FAT4: variants seen among roughly 807,000 people sequenced by gnomAD.
FAT4 encodes the protein protocadherin Fat 4.
In FAT4, 84 loss-of-function variants were observed where a neutral mutation model predicts 303.9. That is an observed-to-expected ratio of 0.28 (90% CI 0.23 to 0.33). The LOEUF is 0.33. Ranked by LOEUF, FAT4 falls within the 10% of genes least tolerant of loss-of-function variation. FAT4 has a pLI of 1.00. For synonymous variants in FAT4, 2,307 were observed against 2,298.8 expected (o/e 1.00, Z -0.10); for missense variants, 6,005 against 6,146.8 (o/e 0.98, Z 0.77).
rs1211182369 is a variant in FAT4, at chr4:125,319,636, A to C, written c.3225A>C (p.Arg1075Ser). The C allele has an allele frequency of 1.2e-6, 2 of 1,613,934 alleles. No individual in the cohort carries two copies. The highest frequency in any genetic ancestry group is 4.5e-5 in the East Asian group (2 of 44,888). Reference sequence around the variant, plus strand: ...TTTTAATGGTTGTTGCTTCTGACAGAGCAGTGGAACCCCTTAGTGCTACTG... The same window carrying C: ...TTTTAATGGTTGTTGCTTCTGACAGCGCAGTGGAACCCCTTAGTGCTACTG... Reference protein sequence around the residue: ...RYVLMVVASDRAVEPLSATVN... With the variant: ...RYVLMVVASDSAVEPLSATVN... The change falls in exon 2 of 18, where the codon AGA (arginine) becomes AGC (serine). Residue 1075 changes from arginine to serine, a missense_variant. Physicochemically the swap from Arg to Ser is moderately radical, Grantham distance 110 (BLOSUM62 -1). Coordinates refer to ENST00000394329, the MANE Select transcript of FAT4 (RefSeq NM_001291303.3).
chr4:125,487,660 A>T (rs1362513710), intron 17 of FAT4, 54 bp downstream of exon 17: 2 of 1,503,690 alleles, frequency 1.3e-6, no homozygotes, highest in Non-Finnish European at 1.8e-6. Flanking sequence ...TTCTTCAAAA[A>T]GTAATTGCTT....
In FAT4 at chr4:125,479,872, A is replaced by G; in HGVS notation, c.12604+7A>G. 1.3e-6 allele frequency: 2 copies of G among 1,560,014 alleles called. No homozygotes were observed. Among genetic ancestry groups the G allele is most frequent in the Non-Finnish European group, 1.7e-6 (2 of 1,145,054 alleles). On this transcript the variant is annotated splice_region_variant and intron_variant, in intron 15 of 17. Coordinates refer to ENST00000394329, the MANE Select transcript of FAT4 (RefSeq NM_001291303.3). ...GGGAAATACTGTGAAAAATGTATGT[A>G]AGGTCTTCCGTCTTCCCCTGGAAAT...
At chr4:125,424,715 C>A (rs538524591) in intron 7 of FAT4, among the ~76,000 whole-genome samples, 288 of 152,172 alleles carry the variant, frequency 1.9e-3, no homozygotes, top group African/African-American at 6.8e-3. Context: ...GCTTAAATTA[C>A]AATCACAAAA....
rs771830002 is a variant in FAT4 at position 125,415,035 on chromosome 4, A to G, written c.6072A>G (p.Pro2024=). 6.2e-7 allele frequency: 1 copy of G among 1,614,116 alleles called. No individual in the cohort carries two copies. The highest frequency in any genetic ancestry group is 8.5e-7 in the Non-Finnish European group (1 of 1,179,978). The part of the protein sequence containing the change: ...YNLVVQVHDL[P]QIPASRFTST... ...TGGTTGTTCAAGTGCATGACCTGCC[A>G]CAGATTCCAGCCTCCAGATTCACAA... Residue 2024 remains proline (P), a synonymous_variant, in exon 6 of 18, where the codon CCA becomes CCG. Transcript: ENST00000394329.
chr4:125,373,055 T>G (rs545244989), intron 2 of FAT4, among the ~76,000 whole-genome samples: 1 of 152,268 alleles, frequency 6.6e-6, no homozygotes, highest in African/African-American at 2.4e-5. Context: ...TATAACAAAA[T>G]TCAGAAAATA....
intron 10 of FAT4, among the ~76,000 whole-genome samples, chr4:125,457,195 G>T (rs528899416): frequency 2.7e-4 from 41 of 151,662 alleles, no homozygotes; most frequent in Middle Eastern, 3.4e-3. Context: ...TTGTGTTAAG[G>T]ATTAGAAGAG....
chr4:125,439,406 C>A (rs548604532), intron 8 of FAT4, among the ~76,000 whole-genome samples: 1 of 151,294 alleles, frequency 6.6e-6, no homozygotes, highest in African/African-American at 2.4e-5. Flanking sequence ...GATCTCAGCT[C>A]ACTGCAACCT....
At chr4:125,440,534 T>G (rs1725616722) in intron 8 of FAT4, among the ~76,000 whole-genome samples, 1 of 151,968 alleles carries the variant, frequency 6.6e-6, no homozygotes, top group Non-Finnish European at 1.5e-5. Context: ...CTTTTCTCTC[T>G]CTGGAAAGTA....
intron 10 of FAT4, among the ~76,000 whole-genome samples, chr4:125,457,750 A>G (rs1164027115): frequency 6.6e-6 from 1 of 152,082 alleles, no homozygotes; most frequent in Non-Finnish European, 1.5e-5. Context: ...ACAAAATGTA[A>G]TGACACCAAA....
At position 125,481,632 on chromosome 4, in the gene FAT4, T is replaced by C. The variant is rs137954725; in HGVS notation, c.12716T>C (p.Met4239Thr). 2.2e-4 allele frequency: 352 copies of C among 1,613,970 alleles called. No homozygotes were observed. The highest frequency in any genetic ancestry group is 3.0e-4 in the Non-Finnish European group (350 of 1,179,966). ...TTAAGGCAAAGCTTACGAGGTGCCATGTTGGAGCCTTTTGGTGTGAACAGT... is the reference window on the plus strand; with the variant it reads ...TTAAGGCAAAGCTTACGAGGTGCCACGTTGGAGCCTTTTGGTGTGAACAGT... ...YLLRQSLRGAMLEPFGVNSLE... is the reference protein window; with the variant it reads ...YLLRQSLRGATLEPFGVNSLE... The change falls in exon 16 of 18, where the codon ATG (methionine) becomes ACG (threonine). Residue 4239 changes from methionine (M) to threonine (T), a missense_variant. Physicochemically the swap from Met to Thr is moderately conservative, Grantham distance 81. Transcript: ENST00000394329.
chr4:125,382,564 C>T (rs1025103575), intron 2 of FAT4, among the ~76,000 whole-genome samples: 2 of 152,110 alleles, frequency 1.3e-5, no homozygotes, highest in African/African-American at 2.4e-5. Context: ...TGGTAGGGAG[C>T]AGGTAGAGTA....
In FAT4 at chr4:125,318,249, G is replaced by A; in HGVS notation, c.1838G>A (p.Gly613Asp). ...CTCAGGGCAACTGACGGGGACCTGG[G>A]TGACAACGGAACAGTGCGCTTCTCC... ...LMLRATDGDL[G>D]DNGTVRFSLQ... Residue 613 changes from glycine (G) to aspartate (D), a missense_variant, in exon 2 of 18, where the codon GGT becomes GAT. Physicochemically the swap from Gly to Asp is moderately conservative, Grantham distance 94 (BLOSUM62 -1). Transcript: ENST00000394329. The A allele has an allele frequency of 6.2e-7, 1 of 1,614,232 alleles. No homozygotes were observed. The highest frequency in any genetic ancestry group is 8.5e-7 in the Non-Finnish European group (1 of 1,180,048).
intron 10 of FAT4, among the ~76,000 whole-genome samples, chr4:125,453,053 G>A (rs1245482926): frequency 6.6e-6 from 1 of 152,202 alleles, no homozygotes; most frequent in African/African-American, 2.4e-5. Context: ...CAAGGAAGTT[G>A]AAGTAGAGAG....
intron 2 of FAT4, among the ~76,000 whole-genome samples, chr4:125,334,248 A>G (rs1421012632): frequency 6.6e-6 from 1 of 152,046 alleles, no homozygotes; most frequent in African/African-American, 2.4e-5. Flanking sequence ...TTTAAAGTAA[A>G]AGAAAGATTT....
At chr4:125,389,436 TA>T (rs1733892022) in intron 2 of FAT4, among the ~76,000 whole-genome samples, 1 of 152,176 alleles carries the variant, frequency 6.6e-6, no homozygotes, top group South Asian at 2.1e-4. Flanking sequence ...TAGTAAAATA[TA>T]ATGCTTATTC....
intron 2 of FAT4, among the ~76,000 whole-genome samples, chr4:125,371,409 G>A (rs1414967374): frequency 2.0e-5 from 3 of 151,824 alleles, no homozygotes; most frequent in African/African-American, 4.8e-5. Context: ...GTTGGAGAGA[G>A]CCATGAAATT....
intron 2 of FAT4, among the ~76,000 whole-genome samples, chr4:125,397,286 G>T (rs1734223755): frequency 6.6e-6 from 1 of 152,110 alleles, no homozygotes; most frequent in Non-Finnish European, 1.5e-5. Context: ...AGGATGGACT[G>T]AGGCTAAGAG....
At chr4:125,432,214 G>C (rs1053966295) in intron 7 of FAT4, among the ~76,000 whole-genome samples, 7 of 152,276 alleles carry the variant, frequency 4.6e-5, no homozygotes, top group Non-Finnish European at 8.8e-5. Context: ...CCTACTGGCA[G>C]TACCTTCCAG....
intron 2 of FAT4, among the ~76,000 whole-genome samples, chr4:125,356,958 C>A (rs921495929): frequency 6.6e-6 from 1 of 151,712 alleles, no homozygotes; most frequent in Non-Finnish European, 1.5e-5. Flanking sequence ...AAATTAAGTC[C>A]CCTGAGGGAG....
Sources: allele counts gnomAD v4.1 joint callset (sites outside exome capture counted in the v4.1 genomes callset), GRCh38; gene constraint gnomAD v4.1.1; transcripts MANE v1.5; gene names NCBI Gene and HGNC (gene_info 2026-07-23, HGNC 2026-07-21).